CIP2A: variants seen among roughly 807,000 people sequenced by gnomAD.
CIP2A encodes protein CIP2A.
Under a neutral mutation model 110.9 loss-of-function variants are expected in CIP2A, and 103 were observed. That is an observed-to-expected ratio of 0.93 (90% CI 0.79 to 1.09). CIP2A has a LOEUF of 1.09. CIP2A is among the 50% of genes least tolerant of loss of function. The pLI is 0.00. For missense variants in CIP2A, 1,088 were observed against 1,038.4 expected, an observed-to-expected ratio of 1.05 and a Z score of -0.66; for synonymous variants, 381 against 361.6, an observed-to-expected ratio of 1.05 and a Z score of -0.61.
chr3:108,577,573 T>G (rs1171430093), intron 7 of CIP2A, among the ~76,000 whole-genome samples: 1 of 152,156 alleles, frequency 6.6e-6, no homozygotes, highest in African/African-American at 2.4e-5. Context: ...AAGGTCATCT[T>G]CTGCATAAAA....
intron 8 of CIP2A, among the ~76,000 whole-genome samples, chr3:108,573,491 T>C (rs1424648922): frequency 4.6e-5 from 7 of 152,024 alleles, no homozygotes; most frequent in Non-Finnish European, 1.0e-4. Flanking sequence ...TTTCAGGTTT[T>C]GATACCCATA....
chr3:108,589,362 G>A lies in CIP2A; in HGVS notation c.14C>T (p.Ala5Val), dbSNP rs750814345. Residue 5 changes from alanine (A) to valine (V), a missense_variant, in exon 1 of 21, where the codon GCC (alanine) becomes GTC (valine). Physicochemically the swap from Ala to Val is moderately conservative, Grantham distance 64 (BLOSUM62 0). Transcript: ENST00000295746. ...AGTCAGGAGCAAGGACTTCAAGCAG[G>A]CAGTGGAGTCCATTGCACCGGCCGC... MDST[A>V]CLKSLLLTVS... 4 of 1,613,202 alleles carry A rather than the reference G, an allele frequency of 2.5e-6. No individual in the cohort carries two copies. The highest frequency in any genetic ancestry group is 3.4e-6 in the Non-Finnish European group (4 of 1,179,434).
chr3:108,575,802 GTATA>G lies in CIP2A; in HGVS notation c.894+465_894+468del, dbSNP rs1168154438. 4.4e-4 allele frequency among the ~76,000 whole-genome samples: 18 copies of G among 41,158 alleles called. 5 individuals carry two copies. The highest frequency in any genetic ancestry group is 9.8e-4 in the Non-Finnish European group (15 of 15,232). 27.0% of individuals were successfully genotyped at this position (41,158 alleles called of 152,430 possible). On this transcript the variant is annotated intron_variant, in intron 8 of 20. Transcript: ENST00000295746. Reference sequence around the variant, plus strand: ...CTCATATACATGTGTATATATACGTGTATATATACTCATATACATGTGTATATAC... The same window carrying G: ...CTCATATACATGTGTATATATACGTGTATACTCATATACATGTGTATATAC...
Position 108,582,101 on chromosome 3 carries a change from T to C in CIP2A, c.452+7A>G, listed in dbSNP as rs1344367290. The stretch of plus-strand genomic sequence containing the variant: ...CTATTTGGTTTTATGTTTGATTGCA[T>C]ACTCACATGTGATCTATCAGGAACG... On this transcript the variant is annotated splice_region_variant and intron_variant, in intron 4 of 20. Transcript: ENST00000295746. The C allele has an allele frequency of 2.3e-6, 3 of 1,280,400 alleles. No individual in the cohort carries two copies. In the South Asian group the frequency reaches 4.3e-5, roughly 18 times the overall value. The allele number at this position is 1,280,400 out of a possible 1,614,324, so 79.3% of individuals were successfully genotyped here.
At position 108,576,356 on chromosome 3, in the gene CIP2A, G is replaced by A; in HGVS notation, c.819-10C>T. The A allele has an allele frequency of 2.2e-6, 3 of 1,386,396 alleles. No homozygotes were observed. In the African/African-American group the frequency reaches 4.4e-5, roughly 20 times the overall value. The allele number at this position is 1,386,396 out of a possible 1,614,324, so 85.9% of individuals were successfully genotyped here. A position where few individuals can be genotyped will look rare whatever the true frequency, so the allele number is the denominator to read the frequency against. ...AGAAAAGTGCTCATATCTAGGTTTA[G>A]AATAAAAATATACATCAAATGATAA... is the stretch of plus-strand genomic sequence containing the variant. On this transcript the variant is annotated splice_polypyrimidine_tract_variant and intron_variant, in intron 7 of 20. Coordinates refer to ENST00000295746, the MANE Select transcript of CIP2A (RefSeq NM_020890.3).
At chr3:108,568,908 G>T (rs1205026980) in intron 9 of CIP2A, among the ~76,000 whole-genome samples, 1 of 151,450 alleles carries the variant, frequency 6.6e-6, no homozygotes, top group Non-Finnish European at 1.5e-5. Context: ...GAATAGTAGA[G>T]AATATTAAAT....
rs1355881274 is a variant in CIP2A, at chr3:108,589,359, C to A, written c.17G>T (p.Cys6Phe). The A allele has an allele frequency of 5.6e-6, 9 of 1,613,446 alleles. No homozygotes were observed. The highest frequency in any genetic ancestry group is 7.6e-6 in the Non-Finnish European group (9 of 1,179,626). The change falls in exon 1 of 21, where the codon TGC becomes TTC. Residue 6 changes from cysteine (C) to phenylalanine (F), a missense_variant. By Grantham distance (205) the Cys-to-Phe change is radical. Coordinates refer to ENST00000295746, the MANE Select transcript of CIP2A (RefSeq NM_020890.3). Reference protein sequence around the residue: MDSTACLKSLLLTVSQ... With the variant: MDSTAFLKSLLLTVSQ... Reference sequence around the variant, plus strand: ...GACAGTCAGGAGCAAGGACTTCAAGCAGGCAGTGGAGTCCATTGCACCGGC... The same window carrying A: ...GACAGTCAGGAGCAAGGACTTCAAGAAGGCAGTGGAGTCCATTGCACCGGC...
intron 1 of CIP2A, among the ~76,000 whole-genome samples, chr3:108,588,226 GCCTTAAGCATTTAACAGCTAA>G (rs2107380726): frequency 6.6e-6 from 1 of 152,320 alleles, no homozygotes; most frequent in Non-Finnish European, 1.5e-5. Flanking sequence ...CAGAAGCAAA[GCCTTAAGCATTTAACAGCTAA>G]CACCTTAATT....
rs760405840 is a variant in CIP2A, at chr3:108,563,171, C to T, written c.1589G>A (p.Arg530Lys). Reference protein sequence around the residue: ...DNREQVQSGLRILLEAAPLPD... With the variant: ...DNREQVQSGLKILLEAAPLPD... ...CAGTGGAGCAGCCTCCAATAATATT[C>T]TCAGTCCAGACTGTACTTGTTCTCT... is the stretch of plus-strand genomic sequence containing the variant. The change falls in exon 13 of 21, where the codon AGA becomes AAA. Residue 530 changes from arginine to lysine, a missense_variant. By Grantham distance (26) the Arg-to-Lys change is conservative. Transcript: ENST00000295746. The T allele has an allele frequency of 5.0e-6, 8 of 1,612,778 alleles. No individual in the cohort carries two copies. The South Asian group carries it at 7.7e-5, about 16-fold the overall frequency.
Position 108,551,082 on chromosome 3 carries a change from C to T in CIP2A, c.*67G>A. On this transcript the variant is annotated 3_prime_UTR_variant, in exon 21 of 21. Coordinates refer to ENST00000295746, the MANE Select transcript of CIP2A (RefSeq NM_020890.3). Reference sequence around the variant, plus strand: ...AGTCACAAATTAACTCCCCTACCCACCCCCCCTCCAATAGATAAATACATC... The same window carrying T: ...AGTCACAAATTAACTCCCCTACCCATCCCCCCTCCAATAGATAAATACATC... The T allele has an allele frequency of 2.1e-6, 1 of 479,166 alleles. No homozygotes were observed. The highest frequency in any genetic ancestry group is 3.5e-6 in the Non-Finnish European group (1 of 286,314). 29.7% of individuals were successfully genotyped at this position (479,166 alleles called of 1,614,324 possible).
At chr3:108,564,025 G>C (rs370134138) in intron 12 of CIP2A, among the ~76,000 whole-genome samples, 4 of 151,908 alleles carry the variant, frequency 2.6e-5, no homozygotes, top group Non-Finnish European at 4.4e-5. Flanking sequence ...ACATCAGTTT[G>C]ACTCCTTTAA....
Position 108,568,127 on chromosome 3 carries a change from T to C in CIP2A, c.1273+28A>G, listed in dbSNP as rs541276661. On this transcript the variant is annotated intron_variant, in intron 10 of 20. Transcript: ENST00000295746. ...AAAAAAAGAATGGTTAGTTATACAG[T>C]TTTCACGTTAATGACAGTAAAGGAT... is the stretch of plus-strand genomic sequence containing the variant. 18 of 1,583,614 alleles carry C rather than the reference T, an allele frequency of 1.1e-5. No individual in the cohort carries two copies. In the African/African-American group the frequency reaches 1.5e-4, roughly 13 times the overall value.
At chr3:108,585,890 G>T (rs943408260) in intron 1 of CIP2A, 29 of 411,290 alleles carry the variant, frequency 7.1e-5, no homozygotes, top group South Asian at 2.9e-4. Context: ...ATACACGCAT[G>T]CACAGACACA....
chr3:108,574,756 G>T, intron 8 of CIP2A: 2 of 153,084 alleles, frequency 1.3e-5, no homozygotes, highest in South Asian at 1.9e-4. Context: ...AGGCTTCTGA[G>T]AGCTATTATG....
chr3:108,583,128 G>T, intron 2 of CIP2A, 45 bp from the exon 3 acceptor site: 3 of 1,078,446 alleles, frequency 2.8e-6, no homozygotes, highest in Non-Finnish European at 4.0e-6. Context: ...TTTCTTACAA[G>T]GTTTTGCAGA....
chr3:108,585,360 G>T, intron 1 of CIP2A, 148 bp from the exon 2 acceptor site: 1 of 656,342 alleles, frequency 1.5e-6, no homozygotes, highest in Non-Finnish European at 2.5e-6. Flanking sequence ...ATTCACCCCT[G>T]CCTAGAGTAC....
Position 108,560,646 on chromosome 3 carries a change from C to G in CIP2A, c.1827+3G>C, listed in dbSNP as rs1296346089. Reference sequence around the variant, plus strand: ...AGGTTATAATTGCTATTTTTTCACTCACCACCATTCCAGACTGAAGTTTCT... The same window carrying G: ...AGGTTATAATTGCTATTTTTTCACTGACCACCATTCCAGACTGAAGTTTCT... On this transcript the variant is annotated splice_donor_region_variant and intron_variant, in intron 14 of 20. Transcript: ENST00000295746. The G allele has an allele frequency of 7.6e-6, 12 of 1,584,592 alleles. No homozygotes were observed. Among genetic ancestry groups the G allele is most frequent in the Non-Finnish European group, 1.0e-5 (12 of 1,163,120 alleles).
At chr3:108,574,261 T>A (rs1402951200) in intron 8 of CIP2A, among the ~76,000 whole-genome samples, 2 of 152,082 alleles carry the variant, frequency 1.3e-5, no homozygotes, top group East Asian at 3.9e-4. Context: ...AAATGATATT[T>A]TTATTAATTA....
At chr3:108,571,447 T>A (rs973934233) in intron 8 of CIP2A, among the ~76,000 whole-genome samples, 1 of 152,204 alleles carries the variant, frequency 6.6e-6, no homozygotes, top group Non-Finnish European at 1.5e-5. Context: ...AATGTCATTA[T>A]GTAATGCATG....
Sources: gnomAD v4.1 joint callset for allele counts (sites outside exome capture counted in the v4.1 genomes callset) on GRCh38, gnomAD v4.1.1 for gene constraint, MANE v1.5 for transcripts, NCBI Gene and HGNC (gene_info 2026-07-23, HGNC 2026-07-21) for gene names.